Variants in PLCXD3 observed in about 807,000 individuals in gnomAD.
PLCXD3 encodes the protein phosphatidylinositol specific phospholipase C X domain containing 3.
A neutral mutation model predicts 25.5 loss-of-function variants in PLCXD3; 19 were observed. That is an observed-to-expected ratio of 0.75 (90% CI 0.52 to 1.09). The LOEUF (loss-of-function observed/expected upper bound fraction) is 1.09. Among genes scored for constraint, PLCXD3 ranks in the 50% least tolerant of loss-of-function variants. The pLI is 0.00. For missense variants in PLCXD3, 411 were observed against 388.1 expected (o/e 1.06, Z -0.50); for synonymous variants, 174 against 137.6 (o/e 1.26, Z -1.85).
intron 1 of PLCXD3, among the ~76,000 whole-genome samples, chr5:41,499,374 T>A (rs1561291595): frequency 6.6e-6 from 1 of 151,382 alleles, no homozygotes; most frequent in Non-Finnish European, 1.5e-5. Context: ...GAAAAGAAAA[T>A]TAAGAAAACA....
intron 1 of PLCXD3, among the ~76,000 whole-genome samples, chr5:41,430,662 G>A (rs1747076677): frequency 3.3e-5 from 5 of 152,074 alleles, no homozygotes; most frequent in Admixed American, 3.3e-4. Flanking sequence ...CATGCCCAGG[G>A]AACTTATTAT....
At chr5:41,328,052 T>C in intron 2 of PLCXD3, among the ~76,000 whole-genome samples, 1 of 151,926 alleles carries the variant, frequency 6.6e-6, no homozygotes, top group Non-Finnish European at 1.5e-5. Context: ...TCAAGATAAA[T>C]GAAATTAAAA....
chr5:41,421,618 G>C (rs1446099383), intron 1 of PLCXD3, among the ~76,000 whole-genome samples: 1 of 152,158 alleles, frequency 6.6e-6, no homozygotes, highest in African/African-American at 2.4e-5. Context: ...GGAGAATGGC[G>C]TGAACCCGAG....
chr5:41,436,000 G>A lies in PLCXD3; in HGVS notation c.104-53466C>T, dbSNP rs1467962437. Among the ~76,000 whole-genome samples the A allele has an allele frequency of 3.3e-5, 5 of 152,234 alleles. No homozygotes were observed. The East Asian group carries it at 5.8e-4, about 18-fold the overall frequency. On this transcript the variant is annotated intron_variant, in intron 1 of 2. Coordinates refer to ENST00000377801, the MANE Select transcript of PLCXD3 (RefSeq NM_001005473.3). ...GGATACCACTCAACCCTAACACATTGGTTGGGGGTAAGAGGTTATTAGTGT... is the reference window on the plus strand; with the variant it reads ...GGATACCACTCAACCCTAACACATTAGTTGGGGGTAAGAGGTTATTAGTGT...
At chr5:41,481,072 G>A (rs577078783) in intron 1 of PLCXD3, among the ~76,000 whole-genome samples, 17 of 126,020 alleles carry the variant, frequency 1.3e-4, no homozygotes, top group Admixed American at 5.6e-4. Flanking sequence ...AATGGAGAGA[G>A]TCCTGAAGAA....
At chr5:41,502,878 A>T (rs765987472) in intron 1 of PLCXD3, among the ~76,000 whole-genome samples, 1 of 152,162 alleles carries the variant, frequency 6.6e-6, no homozygotes, top group Non-Finnish European at 1.5e-5. Context: ...TCAGCAGAGA[A>T]ATGAGGACAT....
chr5:41,501,953 A>G (rs1748960638), intron 1 of PLCXD3, among the ~76,000 whole-genome samples: 1 of 152,128 alleles, frequency 6.6e-6, no homozygotes, highest in Non-Finnish European at 1.5e-5. Flanking sequence ...TAGGGAAGAT[A>G]TTTTTACAAG....
At chr5:41,505,581 G>C (rs771941103) in intron 1 of PLCXD3, among the ~76,000 whole-genome samples, 5 of 152,180 alleles carry the variant, frequency 3.3e-5, no homozygotes, top group African/African-American at 1.2e-4. Context: ...ACCACAAAGA[G>C]TGACTTAAAT....
intron 1 of PLCXD3, among the ~76,000 whole-genome samples, chr5:41,447,357 T>C (rs1269941799): frequency 6.6e-6 from 1 of 152,182 alleles, no homozygotes; most frequent in Non-Finnish European, 1.5e-5. Context: ...AAGGCCAAGA[T>C]ATTTAAGGAG....
intron 1 of PLCXD3, among the ~76,000 whole-genome samples, chr5:41,442,374 G>A (rs1050854604): frequency 6.6e-6 from 1 of 152,122 alleles, no homozygotes; most frequent in Non-Finnish European, 1.5e-5. Flanking sequence ...AAATGTTAAT[G>A]TATCCCAACA....
At chr5:41,508,260 T>A (rs1561294139) in intron 1 of PLCXD3, among the ~76,000 whole-genome samples, 1 of 152,180 alleles carries the variant, frequency 6.6e-6, no homozygotes, top group Non-Finnish European at 1.5e-5. Context: ...CTCAGGTTTT[T>A]ATTTTGTCCC....
chr5:41,337,108 T>G (rs1342715638), intron 2 of PLCXD3, among the ~76,000 whole-genome samples: 1 of 152,092 alleles, frequency 6.6e-6, no homozygotes, highest in African/African-American at 2.4e-5. Flanking sequence ...TTCAGCTGCT[T>G]TAAGTGTGTT....
At chr5:41,464,781 A>G (rs1372321958) in intron 1 of PLCXD3, among the ~76,000 whole-genome samples, 1 of 152,074 alleles carries the variant, frequency 6.6e-6, no homozygotes, top group East Asian at 1.9e-4. Context: ...TTCTGAATTC[A>G]TAGCATATGC....
intron 2 of PLCXD3, among the ~76,000 whole-genome samples, chr5:41,352,344 C>T (rs1744486764): frequency 6.6e-6 from 1 of 152,136 alleles, no homozygotes; most frequent in East Asian, 1.9e-4. Context: ...TTCTCTTTTT[C>T]CCCAGGTTCA....
At chr5:41,325,537 A>G (rs1743601580) in intron 2 of PLCXD3, among the ~76,000 whole-genome samples, 1 of 152,194 alleles carries the variant, frequency 6.6e-6, no homozygotes, top group South Asian at 2.1e-4. Flanking sequence ...ATATTGTATA[A>G]CTGTTTATAT....
chr5:41,499,912 TG>T (rs900133422), intron 1 of PLCXD3, among the ~76,000 whole-genome samples: 1 of 151,798 alleles, frequency 6.6e-6, no homozygotes, highest in Non-Finnish European at 1.5e-5. Flanking sequence ...ATAAAGATGT[TG>T]GGAAACTAGA....
chr5:41,385,688 A>G (rs1745612501), intron 1 of PLCXD3, among the ~76,000 whole-genome samples: 1 of 152,080 alleles, frequency 6.6e-6, no homozygotes, highest in African/African-American at 2.4e-5. Context: ...ACATAGGACA[A>G]ACATGATGGG....
intron 1 of PLCXD3, among the ~76,000 whole-genome samples, chr5:41,471,902 CTT>C (rs1467153543): frequency 5.3e-4 from 8 of 15,226 alleles, no homozygotes; most frequent in African/African-American, 2.2e-3. Context: ...CCTCCCTTCC[CTT>C]CCCTTCCCTT....
chr5:41,379,349 G>A (rs193095707), intron 2 of PLCXD3, among the ~76,000 whole-genome samples: 7 of 152,168 alleles, frequency 4.6e-5, no homozygotes, highest in South Asian at 2.1e-4. Flanking sequence ...AAAAAATAAC[G>A]TTTGTAGAAA....
Sources: gnomAD v4.1 joint callset for allele counts (sites outside exome capture counted in the v4.1 genomes callset) on GRCh38, gnomAD v4.1.1 for gene constraint, MANE v1.5 for transcripts, NCBI Gene and HGNC (gene_info 2026-07-23, HGNC 2026-07-21) for gene names.